The following TMEM117 variants were observed in gnomAD, a reference collection of about 807,000 sequenced individuals.
TMEM117 encodes the protein transmembrane protein 117.
In TMEM117, 27 loss-of-function variants were observed where a neutral mutation model predicts 52.4. That is an observed-to-expected ratio of 0.51 (90% CI 0.38 to 0.71). The LOEUF is 0.71. Among genes scored for constraint, TMEM117 ranks in the 30% least tolerant of loss-of-function variants. TMEM117 has a pLI of 0.00. For synonymous variants in TMEM117, 215 were observed against 206.3 expected, an observed-to-expected ratio of 1.04 and a Z score of -0.36; for missense variants, 556 against 630.5, an observed-to-expected ratio of 0.88 and a Z score of 1.26.
chr12:44,163,480 AG>A (rs1190348852), intron 4 of TMEM117, among the ~76,000 whole-genome samples: 1 of 152,232 alleles, frequency 6.6e-6, no homozygotes, highest in African/African-American at 2.4e-5. Flanking sequence ...GAAAAGAATC[AG>A]GTGACAGACT....
intron 6 of TMEM117, among the ~76,000 whole-genome samples, chr12:44,356,040 A>G (rs1364912745): frequency 6.6e-6 from 1 of 152,082 alleles, no homozygotes; most frequent in East Asian, 1.9e-4. Context: ...AAAAAGGCAG[A>G]TGCCACATGG....
chr12:43,796,722 T>C, the TMEM117 span, among the ~76,000 whole-genome samples: 1 of 151,896 alleles, frequency 6.6e-6, no homozygotes, highest in African/African-American at 2.4e-5. Context: ...ATAAGGCTAG[T>C]GGAATTAAGA....
At chr12:44,016,235 CT>C (rs1320199022) in intron 3 of TMEM117, among the ~76,000 whole-genome samples, 4 of 152,164 alleles carry the variant, frequency 2.6e-5, no homozygotes, top group Non-Finnish European at 4.4e-5. Context: ...TGTTTGGCTT[CT>C]TTCCCTTTTC....
At chr12:44,356,973 G>T (rs1018024447) in intron 6 of TMEM117, among the ~76,000 whole-genome samples, 2 of 152,102 alleles carry the variant, frequency 1.3e-5, no homozygotes, top group Non-Finnish European at 2.9e-5. Flanking sequence ...AGCCAAATTT[G>T]TAAGCACTGA....
At chr12:44,360,139 T>C (rs1951701096) in intron 6 of TMEM117, among the ~76,000 whole-genome samples, 1 of 152,196 alleles carries the variant, frequency 6.6e-6, no homozygotes, top group African/African-American at 2.4e-5. Flanking sequence ...TGTATACTAA[T>C]ACCTAAAGCC....
the TMEM117 span, among the ~76,000 whole-genome samples, chr12:43,827,180 C>T: frequency 1.2e-3 from 184 of 151,970 alleles, 1 homozygote; most frequent in African/African-American, 4.4e-3. Context: ...CCCTGACCAC[C>T]CTTTCTAAAA....
the TMEM117 span, chr12:43,797,213 C>A: frequency 6.8e-7 from 1 of 1,480,352 alleles, no homozygotes; most frequent in Non-Finnish European, 9.1e-7. Flanking sequence ...TACAGCTAAG[C>A]CCTCTGGGCA....
chr12:44,390,001 ATC>A (rs891485868), downstream of TMEM117, among the ~76,000 whole-genome samples: 3 of 151,944 alleles, frequency 2.0e-5, no homozygotes, highest in African/African-American at 4.8e-5. Context: ...GATTTTTTAA[ATC>A]TCTCTTGTTT....
chr12:44,356,002 T>C (rs1202269225), intron 6 of TMEM117, among the ~76,000 whole-genome samples: 1 of 151,944 alleles, frequency 6.6e-6, no homozygotes, highest in Admixed American at 6.6e-5. Flanking sequence ...GCAGTAGATA[T>C]CTGTTTAGAG....
At position 44,153,763 on chromosome 12, in the gene TMEM117, A is replaced by G. The variant is rs573649857; in HGVS notation, c.510+10139A>G. Among the ~76,000 whole-genome samples the G allele has an allele frequency of 5.9e-5, 9 of 152,124 alleles. No homozygotes were observed. In the East Asian group the frequency reaches 1.7e-3, roughly 29 times the overall value. On this transcript the variant is annotated intron_variant, in intron 4 of 7. Transcript: ENST00000266534. ...TAGAGCAGTAAAGTTTTTTATATTC[A>G]TAGAATATGCCACATTTTTAGTTAA... is the stretch of plus-strand genomic sequence containing the variant.
intron 5 of TMEM117, among the ~76,000 whole-genome samples, chr12:44,282,843 C>G (rs533503392): frequency 6.6e-6 from 1 of 152,344 alleles, no homozygotes; most frequent in East Asian, 1.9e-4. Context: ...AGCAGCATCC[C>G]CATCACAGGT....
intron 4 of TMEM117, among the ~76,000 whole-genome samples, chr12:44,171,009 A>T (rs1949037375): frequency 1.3e-5 from 2 of 149,860 alleles, no homozygotes; most frequent in African/African-American, 2.5e-5. Context: ...TTATTAACAA[A>T]TATCTTTTTT....
chr12:43,952,097 C>T (rs957478750), intron 3 of TMEM117, among the ~76,000 whole-genome samples: 3 of 152,088 alleles, frequency 2.0e-5, no homozygotes, highest in Non-Finnish European at 4.4e-5. Flanking sequence ...ACAACAGCAA[C>T]AACAACAAAA....
intron 5 of TMEM117, among the ~76,000 whole-genome samples, chr12:44,279,018 G>A (rs768681972): frequency 2.6e-5 from 4 of 152,074 alleles, no homozygotes; most frequent in Non-Finnish European, 1.5e-5. Context: ...TTAAATTATA[G>A]CCCATTTTCC....
chr12:44,075,788 A>G (rs1947373025), intron 3 of TMEM117, among the ~76,000 whole-genome samples: 3 of 152,198 alleles, frequency 2.0e-5, no homozygotes, highest in Admixed American at 1.3e-4. Flanking sequence ...ACTCTTTTAC[A>G]TGAGAATATC....
the TMEM117 span, among the ~76,000 whole-genome samples, chr12:43,822,032 G>A: frequency 5.9e-5 from 9 of 152,182 alleles, no homozygotes; most frequent in African/African-American, 1.7e-4. Flanking sequence ...AAGATGATGA[G>A]TCTCAAAGAG....
At chr12:44,319,313 A>G (rs1268226616) in intron 6 of TMEM117, among the ~76,000 whole-genome samples, 6 of 152,164 alleles carry the variant, frequency 3.9e-5, no homozygotes, top group Admixed American at 3.3e-4. Flanking sequence ...AATGTCCCCA[A>G]GCCTCACCCC....
intron 5 of TMEM117, among the ~76,000 whole-genome samples, chr12:44,289,646 A>G (rs1798026): frequency 0.22 from 32,191 of 147,552 alleles, 6,143 homozygotes; most frequent in African/African-American, 0.52. Flanking sequence ...TCCGCCTCTC[A>G]GGTTCAAGCG....
intron 4 of TMEM117, among the ~76,000 whole-genome samples, chr12:44,156,052 G>A (rs781287264): frequency 6.6e-6 from 1 of 152,052 alleles, no homozygotes; most frequent in Admixed American, 6.6e-5. Context: ...AGAACAACCG[G>A]AATCTTTGTA....
Sources: gnomAD v4.1 joint callset for allele counts (sites outside exome capture counted in the v4.1 genomes callset) on GRCh38, gnomAD v4.1.1 for gene constraint, MANE v1.5 for transcripts, NCBI Gene and HGNC (gene_info 2026-07-23, HGNC 2026-07-21) for gene names.